UBE2V1: variants seen among roughly 807,000 people sequenced by gnomAD.
UBE2V1 encodes the protein ubiquitin conjugating enzyme E2 V1.
A neutral mutation model predicts 19.6 loss-of-function variants in UBE2V1; 15 were observed. That is an observed-to-expected ratio of 0.77 (90% CI 0.51 to 1.18). The LOEUF is 1.18. Ranked by LOEUF, UBE2V1 falls within the 50% of genes most tolerant of loss-of-function variation. The probability of loss-of-function intolerance (pLI) is 0.00; values close to 1 mark genes in which losing one functional copy is unlikely to be tolerated. For missense variants in UBE2V1, 125 were observed against 184.8 expected (o/e 0.68, Z 1.88); for synonymous variants, 60 against 60.7 (o/e 0.99, Z 0.05).
chr20:50,094,244 TTATATAATATATA>T lies in UBE2V1; in HGVS notation c.171+2415_171+2427del, dbSNP rs1221187699. On this transcript the variant is annotated intron_variant, in intron 2 of 3. Coordinates refer to ENST00000371674, the MANE Select transcript of UBE2V1 (RefSeq NM_001032288.3). ...TATGCATTATATAATATATAATGCA[TTATATAATATATA>T]ATGCATTATATAATATATAATGCAT... Among the ~76,000 whole-genome samples the T allele has an allele frequency of 1.1e-3, 158 of 141,034 alleles. 10 individuals carry two copies. The highest frequency in any genetic ancestry group is 3.0e-3 in the African/African-American group (114 of 38,288). The allele number at this position is 141,034 out of a possible 152,430, so 92.5% of individuals were successfully genotyped here. A position where few individuals can be genotyped will look rare whatever the true frequency, so the allele number is the denominator to read the frequency against.
intron 2 of UBE2V1, among the ~76,000 whole-genome samples, chr20:50,088,440 T>G (rs2079044805): frequency 1.3e-5 from 2 of 152,216 alleles, no homozygotes; most frequent in Non-Finnish European, 2.9e-5. Flanking sequence ...GTACTACCTT[T>G]GCAACTTTTC....
intron 2 of UBE2V1, among the ~76,000 whole-genome samples, chr20:50,089,648 C>T (rs1335382460): frequency 6.6e-6 from 1 of 152,118 alleles, no homozygotes; most frequent in Non-Finnish European, 1.5e-5. Flanking sequence ...CTCTGCACAG[C>T]GACGAGACAC....
chr20:50,105,086 G>A (rs2080271587), intron 1 of UBE2V1, among the ~76,000 whole-genome samples: 1 of 152,020 alleles, frequency 6.6e-6, no homozygotes, highest in African/African-American at 2.4e-5. Context: ...TTAAAATAAG[G>A]GAAAACTGGT....
rs1424737155 is a variant in UBE2V1 at position 50,084,055 on chromosome 20, C to A, written c.297+74G>T. 5.3e-6 allele frequency: 8 copies of A among 1,518,028 alleles called. No individual in the cohort carries two copies. The Admixed American group carries it at 1.8e-4, about 34-fold the overall frequency. The allele number at this position is 1,518,028 out of a possible 1,614,324, so 94.0% of individuals were successfully genotyped here. A position where few individuals can be genotyped will look rare whatever the true frequency, so the allele number is the denominator to read the frequency against. On this transcript the variant is annotated intron_variant, in intron 3 of 3. Transcript: ENST00000371674. The stretch of plus-strand genomic sequence containing the variant: ...AAAGAACCTAGGAATTGGGCCCAGT[C>A]TAAAAGCTCCTGATGTTAAGTACAA...
chr20:50,097,741 A>G (rs1007564907), intron 1 of UBE2V1, among the ~76,000 whole-genome samples: 11 of 152,180 alleles, frequency 7.2e-5, no homozygotes, highest in African/African-American at 2.7e-4. Context: ...TCAAGTTTCA[A>G]GTTCTCTGCC....
At chr20:50,108,148 T>C (rs1223979413) in intron 1 of UBE2V1, among the ~76,000 whole-genome samples, 2 of 152,232 alleles carry the variant, frequency 1.3e-5, no homozygotes. Flanking sequence ...TGAAAGATCA[T>C]TCTGTCTCCT....
intron 2 of UBE2V1, among the ~76,000 whole-genome samples, chr20:50,090,995 G>C (rs959099660): frequency 1.3e-5 from 2 of 152,146 alleles, no homozygotes; most frequent in Non-Finnish European, 2.9e-5. Context: ...GACTGACACA[G>C]AGTTAAAGCG....
chr20:50,102,761 GCACCCGCAATC>G (rs2080087597), intron 1 of UBE2V1, among the ~76,000 whole-genome samples: 1 of 152,164 alleles, frequency 6.6e-6, no homozygotes, highest in African/African-American at 2.4e-5. Flanking sequence ...GCCTCCCGTT[GCACCCGCAATC>G]CACCCAAACT....
intron 1 of UBE2V1, among the ~76,000 whole-genome samples, chr20:50,108,472 C>T (rs2080534569): frequency 6.6e-6 from 1 of 152,158 alleles, no homozygotes; most frequent in African/African-American, 2.4e-5. Flanking sequence ...GCTGGAAGAA[C>T]GATCATCCGG....
chr20:50,109,064 T>C (rs925885130), intron 1 of UBE2V1: 1 of 985,276 alleles, frequency 1.0e-6, no homozygotes, highest in Non-Finnish European at 1.2e-6. Context: ...GGCTTTTGGC[T>C]CCTCCCTCAG....
chr20:50,092,064 G>A (rs1262380264), intron 2 of UBE2V1, among the ~76,000 whole-genome samples: 1 of 151,604 alleles, frequency 6.6e-6, no homozygotes, highest in African/African-American at 2.4e-5. Context: ...GCTCATGCCT[G>A]TAATCCCAGC....
At position 50,082,680 on chromosome 20, in the gene UBE2V1, G is replaced by C. The variant is rs557493991; in HGVS notation, c.*88C>G. The C allele has an allele frequency of 4.5e-5, 70 of 1,549,222 alleles. No individual in the cohort carries two copies. In the African/African-American group the frequency reaches 8.1e-4, roughly 18 times the overall value. On this transcript the variant is annotated 3_prime_UTR_variant, in exon 4 of 4. Transcript: ENST00000371674. ...TCCGGTACTTTGAGGTCTACAAGAC[G>C]TATCTAGAAAATTTACTACTGTGGA...
chr20:50,082,859 T>G lies in UBE2V1; in HGVS notation c.353A>C (p.Lys118Thr). ...LAKWQNSYSI[K>T]VVLQELRRLM... ...GCGCCGAAGCTCTTGCAGGACAACT[T>G]TGATGCTATATGAATTCTGCCATTT... The change falls in exon 4 of 4, where the codon AAA becomes ACA. Residue 118 changes from lysine to threonine, a missense_variant. Physicochemically the swap from Lys to Thr is moderately conservative, Grantham distance 78 (BLOSUM62 -1). Coordinates refer to ENST00000371674, the MANE Select transcript of UBE2V1 (RefSeq NM_001032288.3). The G allele has an allele frequency of 6.2e-7, 1 of 1,612,908 alleles. No homozygotes were observed. The highest frequency in any genetic ancestry group is 8.5e-7 in the Non-Finnish European group (1 of 1,179,856).
intron 2 of UBE2V1, among the ~76,000 whole-genome samples, chr20:50,093,619 G>T (rs1293025300): frequency 6.6e-6 from 1 of 152,102 alleles, no homozygotes; most frequent in Non-Finnish European, 1.5e-5. Context: ...AAACAGTTTG[G>T]CATTTCCTCC....
intron 2 of UBE2V1, chr20:50,084,891 CT>C (rs200222788): frequency 3.1e-3 from 338 of 109,608 alleles, no homozygotes; most frequent in South Asian, 0.012. Context: ...GAAAAGCAGT[CT>C]TTTTTTTTTT....
chr20:50,084,131 C>A lies in UBE2V1; in HGVS notation c.295G>T (p.Val99Leu). 1.3e-6 allele frequency: 2 copies of A among 1,581,738 alleles called. No individual in the cohort carries two copies. Among genetic ancestry groups the A allele is most frequent in the Non-Finnish European group, 1.7e-6 (2 of 1,168,282 alleles). Residue 99 changes from valine to leucine, a missense_variant and splice_region_variant, in exon 3 of 4, where the codon GTG becomes TTG. Physicochemically the swap from Val to Leu is conservative, Grantham distance 32. Coordinates refer to ENST00000371674, the MANE Select transcript of UBE2V1 (RefSeq NM_001032288.3). ...GTGGGACAGAGAAAACAACTTACCA[C>A]TCCATTAGAACTATTTACTCCATTC... ...NMNGVNSSNG[V>L]VDPRAISVLA... is the part of the protein sequence containing the mutation.
intron 2 of UBE2V1, chr20:50,084,662 G>A: frequency 4.9e-6 from 2 of 412,190 alleles, no homozygotes; most frequent in South Asian, 1.8e-5. Context: ...TGGTATTAAA[G>A]CACAGAACAG....
intron 1 of UBE2V1, among the ~76,000 whole-genome samples, chr20:50,100,353 C>T (rs868302218): frequency 6.7e-6 from 1 of 150,348 alleles, no homozygotes; most frequent in African/African-American, 2.5e-5. Flanking sequence ...TTTGGGAGGC[C>T]GAGGTGGGTG....
intron 2 of UBE2V1, among the ~76,000 whole-genome samples, chr20:50,094,517 T>A (rs969778546): frequency 2.0e-5 from 3 of 151,926 alleles, no homozygotes; most frequent in Admixed American, 1.3e-4. Flanking sequence ...ATATGGCGTA[T>A]CTGTACAATG....
Sources: allele counts gnomAD v4.1 joint callset (sites outside exome capture counted in the v4.1 genomes callset), GRCh38; gene constraint gnomAD v4.1.1; transcripts MANE v1.5; gene names NCBI Gene and HGNC (gene_info 2026-07-23, HGNC 2026-07-21).